Variants in ODAM observed in about 807,000 individuals in gnomAD.
ODAM encodes odontogenic, ameloblast associated.
A neutral mutation model predicts 48.5 loss-of-function variants in ODAM; 55 were observed. The observed-to-expected ratio is 1.13, with a 90% confidence interval of 0.91 to 1.42. The LOEUF (loss-of-function observed/expected upper bound fraction) is 1.42. ODAM is among the 40% of genes most tolerant of loss of function. The pLI, the probability that ODAM is intolerant of heterozygous loss-of-function variation, is 0.00. For synonymous variants in ODAM, 127 were observed against 107.8 expected, an observed-to-expected ratio of 1.18 and a Z score of -1.10; for missense variants, 353 against 323.6, an observed-to-expected ratio of 1.09 and a Z score of -0.70.
In ODAM at chr4:70,198,153, G is replaced by A; in HGVS notation, c.371G>A (p.Ser124Asn). 1 of 1,612,146 alleles carries A rather than the reference G, an allele frequency of 6.2e-7. No homozygotes were observed. Among genetic ancestry groups the A allele is most frequent in the Non-Finnish European group, 8.5e-7 (1 of 1,178,994 alleles). Residue 124 changes from serine (S) to asparagine (N), a missense_variant, in exon 5 of 12, where the codon AGT (serine) becomes AAT (asparagine). Transcript: ENST00000683306. ...QTPPQTQPGP[S>N]HVMPYVFSFK... ...CCGCCTCAGACACAACCAGGCCCCA[G>A]TCACGTAAGTCAGGCCTCTTTCATT...
chr4:70,199,403 T>C (rs937302793), intron 6 of ODAM, among the ~76,000 whole-genome samples: 11 of 152,180 alleles, frequency 7.2e-5, no homozygotes, highest in African/African-American at 2.6e-4. Context: ...AAAAGTTACT[T>C]CTAGACATTA....
chr4:70,203,071 A>C, intron 10 of ODAM, 85 bp from the exon 11 acceptor site: 1 of 1,372,666 alleles, frequency 7.3e-7, no homozygotes, highest in Non-Finnish European at 1.0e-6. Flanking sequence ...AGGTGGCCAA[A>C]ACTTGTTTTT....
chr4:70,198,703 C>A, intron 6 of ODAM, 77 bp downstream of exon 6: 1 of 1,132,200 alleles, frequency 8.8e-7, no homozygotes, highest in Non-Finnish European at 1.3e-6. Flanking sequence ...CTAGCTCTGA[C>A]TCCTATAGCA....
At chr4:70,202,427 A>T (rs113902416) in intron 9 of ODAM, 98 bp downstream of exon 9, 3 of 1,022,660 alleles carry the variant, frequency 2.9e-6, no homozygotes, top group Non-Finnish European at 4.5e-6. Context: ...TTGTAATTCC[A>T]TCAATAATTT....
rs1479963366 is a variant in ODAM, at chr4:70,202,841, C to T, written c.734C>T (p.Ser245Leu). The T allele has an allele frequency of 6.2e-7, 1 of 1,612,286 alleles. No homozygotes were observed. The highest frequency in any genetic ancestry group is 2.2e-5 in the East Asian group (1 of 44,730). Reference protein sequence around the residue: ...DSAGVFMPSTSPKPSTTNVFT... With the variant: ...DSAGVFMPSTLPKPSTTNVFT... The stretch of plus-strand genomic sequence containing the variant: ...GCAGGAGTTTTCATGCCCTCAACTT[C>T]ACCAAAACCCAGCACAACCAATGTT... The change falls in exon 10 of 12, where the codon TCA (serine) becomes TTA (leucine). Residue 245 changes from serine (S) to leucine (L), a missense_variant. Physicochemically the swap from Ser to Leu is moderately radical, Grantham distance 145 (BLOSUM62 -2). Transcript: ENST00000683306.
intron 6 of ODAM, among the ~76,000 whole-genome samples, chr4:70,198,952 A>G (rs529182602): frequency 1.3e-5 from 2 of 152,126 alleles, no homozygotes; most frequent in African/African-American, 4.8e-5. Flanking sequence ...CTCAAGAGAA[A>G]TACCATGGGC....
rs1729405254 is a variant in ODAM at position 70,197,831 on chromosome 4, T to C, written c.142-93T>C. ...GTTGCAACATTGGAACTATAGAAAT[T>C]GTTTGTATTTTGCCTCTTTCTTGCT... On this transcript the variant is annotated intron_variant, in intron 4 of 11. Coordinates refer to ENST00000683306, the MANE Select transcript of ODAM (RefSeq NM_017855.4). The C allele has an allele frequency of 1.1e-5, 10 of 881,382 alleles. No individual in the cohort carries two copies. The East Asian group carries it at 2.2e-4, about 20-fold the overall frequency. The allele number at this position is 881,382 out of a possible 1,614,324, so 54.6% of individuals were successfully genotyped here. A position where few individuals can be genotyped will look rare whatever the true frequency, so the allele number is the denominator to read the frequency against.
Sources: gnomAD v4.1 joint callset for allele counts (sites outside exome capture counted in the v4.1 genomes callset) on GRCh38, gnomAD v4.1.1 for gene constraint, MANE v1.5 for transcripts, NCBI Gene and HGNC (gene_info 2026-07-23, HGNC 2026-07-21) for gene names.